INPP4B: variants seen among roughly 807,000 people sequenced by gnomAD.
INPP4B encodes inositol polyphosphate 4-phosphatase type II.
In INPP4B, 55 loss-of-function variants were observed where a neutral mutation model predicts 122.5. The ratio of observed to expected loss-of-function variants is 0.45; its 90% CI spans 0.36 to 0.56. The LOEUF is 0.56. Ranked by LOEUF, INPP4B falls within the 20% of genes least tolerant of loss-of-function variation. INPP4B has a pLI of 0.00. For missense variants in INPP4B, 1,000 were observed against 1,097.7 expected, an observed-to-expected ratio of 0.91 and a Z score of 1.26; for synonymous variants, 403 against 388.7, an observed-to-expected ratio of 1.04 and a Z score of -0.43.
At chr4:142,587,563 T>C (rs915341568) in intron 2 of INPP4B, among the ~76,000 whole-genome samples, 2 of 152,148 alleles carry the variant, frequency 1.3e-5, no homozygotes, top group Non-Finnish European at 2.9e-5. Context: ...GAGTAAATAG[T>C]ATGTGTATAT....
chr4:142,472,438 C>T (rs1580153379), intron 2 of INPP4B, among the ~76,000 whole-genome samples: 2 of 152,256 alleles, frequency 1.3e-5, no homozygotes, highest in East Asian at 3.9e-4. Flanking sequence ...TAAGTACTAT[C>T]TCTGGAAGAA....
intron 1 of INPP4B, among the ~76,000 whole-genome samples, chr4:142,788,297 G>A (rs532180550): frequency 6.6e-6 from 1 of 151,990 alleles, no homozygotes; most frequent in South Asian, 2.1e-4. Flanking sequence ...AGTAGTAAAA[G>A]TATAAGATTA....
intron 2 of INPP4B, among the ~76,000 whole-genome samples, chr4:142,614,382 T>C (rs958353754): frequency 6.6e-6 from 1 of 152,066 alleles, no homozygotes; most frequent in Non-Finnish European, 1.5e-5. Flanking sequence ...TCTCAGTATA[T>C]AAAAATAACT....
chr4:142,819,119 C>T lies in INPP4B; in HGVS notation c.-254+27090G>A, dbSNP rs938368186. On this transcript the variant is annotated intron_variant, in intron 1 of 25. Transcript: ENST00000262992. Reference sequence around the variant, plus strand: ...AAGAGAAGCCCGAACACTTGTATTCCCACCCTTTGGGGTAGAAACACTTGG... The same window carrying T: ...AAGAGAAGCCCGAACACTTGTATTCTCACCCTTTGGGGTAGAAACACTTGG... 5.3e-5 allele frequency among the ~76,000 whole-genome samples: 8 copies of T among 152,240 alleles called. No homozygotes were observed. The East Asian group carries it at 1.5e-3, about 29-fold the overall frequency.
At chr4:142,436,794 A>G (rs1810620120) in intron 3 of INPP4B, among the ~76,000 whole-genome samples, 1 of 140,088 alleles carries the variant, frequency 7.1e-6, no homozygotes, top group Admixed American at 7.8e-5. Context: ...ACTCATGAAG[A>G]TGAGAAAGAA....
At chr4:142,414,500 T>G (rs1805277625) in intron 5 of INPP4B, among the ~76,000 whole-genome samples, 1 of 152,006 alleles carries the variant, frequency 6.6e-6, no homozygotes. Flanking sequence ...CTGGGAAAAA[T>G]GAAGATACCA....
chr4:142,403,992 A>G (rs1413383967), intron 6 of INPP4B, among the ~76,000 whole-genome samples: 1 of 152,222 alleles, frequency 6.6e-6, no homozygotes, highest in East Asian at 1.9e-4. Flanking sequence ...AAATTAAGAA[A>G]AAATCAAAAT....
At chr4:142,751,297 A>C (rs1769671957) in intron 1 of INPP4B, among the ~76,000 whole-genome samples, 1 of 151,692 alleles carries the variant, frequency 6.6e-6, no homozygotes, top group African/African-American at 2.4e-5. Context: ...AAAAAAAAAA[A>C]AAAAAAACAA....
intron 1 of INPP4B, among the ~76,000 whole-genome samples, chr4:142,742,565 GA>G (rs1184451498): frequency 2.6e-5 from 4 of 151,432 alleles, no homozygotes; most frequent in East Asian, 1.9e-4. Context: ...TTAGTAGTGA[GA>G]AAAAAAAGTC....
chr4:142,174,521 A>T (rs1827129870), intron 15 of INPP4B, among the ~76,000 whole-genome samples: 1 of 152,172 alleles, frequency 6.6e-6, no homozygotes. Context: ...CATTAGTAGC[A>T]GAATGCTATT....
intron 1 of INPP4B, among the ~76,000 whole-genome samples, chr4:142,786,621 C>A (rs1407457240): frequency 6.6e-6 from 1 of 152,020 alleles, no homozygotes; most frequent in East Asian, 1.9e-4. Context: ...TGAAGAAACA[C>A]AACACACAGT....
At chr4:142,782,294 C>A (rs1260257970) in intron 1 of INPP4B, among the ~76,000 whole-genome samples, 1 of 150,932 alleles carries the variant, frequency 6.6e-6, no homozygotes, top group East Asian at 1.9e-4. Context: ...CATCCATGTC[C>A]CTACAAAGGA....
chr4:142,677,824 A>T (rs1285959639), intron 2 of INPP4B, among the ~76,000 whole-genome samples: 3 of 151,988 alleles, frequency 2.0e-5, no homozygotes, highest in Admixed American at 6.6e-5. Context: ...GGGGAACATC[A>T]TATACTGGGG....
chr4:142,592,501 T>C (rs1737715271), intron 2 of INPP4B, among the ~76,000 whole-genome samples: 1 of 152,204 alleles, frequency 6.6e-6, no homozygotes, highest in Non-Finnish European at 1.5e-5. Context: ...AAGATCTGTG[T>C]TATTTGTTCA....
At chr4:142,170,486 A>G (rs1413504127) in intron 16 of INPP4B, among the ~76,000 whole-genome samples, 1 of 151,748 alleles carries the variant, frequency 6.6e-6, no homozygotes, top group Admixed American at 6.6e-5. Context: ...TCAGGCTCAC[A>G]GAATCTGGAG....
chr4:142,722,362 G>T (rs559162458), intron 2 of INPP4B, among the ~76,000 whole-genome samples: 2 of 152,260 alleles, frequency 1.3e-5, no homozygotes, highest in East Asian at 1.9e-4. Context: ...GCAAAGACAA[G>T]AATGTTTGGA....
chr4:142,244,643 G>A (rs1726973128), intron 11 of INPP4B, among the ~76,000 whole-genome samples: 3 of 152,064 alleles, frequency 2.0e-5, no homozygotes, highest in Admixed American at 6.6e-5. Context: ...CGGCATTTGG[G>A]TTGATTCCAA....
intron 7 of INPP4B, chr4:142,384,058 G>C: frequency 2.9e-6 from 2 of 701,612 alleles, no homozygotes; most frequent in East Asian, 5.4e-5. Flanking sequence ...GTCTCAAGTT[G>C]TCTCAGCTCT....
intron 25 of INPP4B, among the ~76,000 whole-genome samples, chr4:142,060,939 T>C (rs1001189758): frequency 6.6e-6 from 1 of 152,208 alleles, no homozygotes; most frequent in Non-Finnish European, 1.5e-5. Flanking sequence ...TAATTACTTA[T>C]AAAGAGTATT....
Sources: allele counts gnomAD v4.1 joint callset (sites outside exome capture counted in the v4.1 genomes callset), GRCh38; gene constraint gnomAD v4.1.1; transcripts MANE v1.5; gene names NCBI Gene and HGNC (gene_info 2026-07-23, HGNC 2026-07-21).